TCERG1L: variants seen among roughly 807,000 people sequenced by gnomAD.
TCERG1L encodes the protein transcription elongation regulator 1-like protein.
Under a neutral mutation model 56.3 loss-of-function variants are expected in TCERG1L, and 37 were observed. The observed-to-expected ratio is 0.66, with a 90% CI of 0.51 to 0.87. The LOEUF (loss-of-function observed/expected upper bound fraction) is 0.87. Ranked by LOEUF, TCERG1L falls within the 40% of genes least tolerant of loss-of-function variation. The pLI, the probability that TCERG1L is intolerant of heterozygous loss-of-function variation, is 0.00. For missense variants in TCERG1L, 799 were observed against 774.2 expected (o/e 1.03, Z -0.38); for synonymous variants, 324 against 326.3 (o/e 0.99, Z 0.08).
Position 131,111,688 on chromosome 10 carries a change from G to A in TCERG1L, c.1395+5111C>T, listed in dbSNP as rs548614598. ...ACAGCCTGACCTTCCCCTCGTCCAC[G>A]CCCCGTGGGCAGAGGACAGGCTGCG... is the stretch of plus-strand genomic sequence containing the variant. On this transcript the variant is annotated intron_variant, in intron 9 of 11. Transcript: ENST00000368642. 3.5e-5 allele frequency among the ~76,000 whole-genome samples: 5 copies of A among 142,916 alleles called. 2 individuals are homozygous for A. Among genetic ancestry groups the A allele is most frequent in the Admixed American group, 6.9e-5 (1 of 14,558 alleles). 93.8% of individuals were successfully genotyped at this position (142,916 alleles called of 152,430 possible).
chr10:131,193,205 ATTG>A (rs761928422), intron 4 of TCERG1L, among the ~76,000 whole-genome samples: 76 of 152,054 alleles, frequency 5.0e-4, no homozygotes, highest in Admixed American at 3.3e-3. Flanking sequence ...AATGAAATTT[ATTG>A]TTGTTGTTGT....
intron 4 of TCERG1L, among the ~76,000 whole-genome samples, chr10:131,206,336 C>G (rs2918124): frequency 0.62 from 93,543 of 151,946 alleles, 29,305 homozygotes; most frequent in East Asian, 0.76. Context: ...CCAAGGGGGT[C>G]CTGGAGTGAA....
chr10:131,180,092 C>T (rs76130773), intron 4 of TCERG1L, among the ~76,000 whole-genome samples: 3,651 of 152,260 alleles, frequency 0.024, 96 homozygotes, highest in South Asian at 0.08. Flanking sequence ...GACCAACCTG[C>T]TCGACAAGGG....
chr10:131,290,631 CAAAA>C (rs3040427), intron 3 of TCERG1L, among the ~76,000 whole-genome samples: 89 of 97,462 alleles, frequency 9.1e-4, no homozygotes, highest in African/African-American at 1.6e-3. Flanking sequence ...AACCCCATCT[CAAAA>C]AAAAAAAAAA....
chr10:131,124,796 C>T (rs956761582), intron 8 of TCERG1L, among the ~76,000 whole-genome samples: 2 of 152,320 alleles, frequency 1.3e-5, no homozygotes, highest in South Asian at 2.1e-4. Flanking sequence ...TAATAAAATG[C>T]GTGGTCTCTG....
chr10:131,196,671 G>A (rs1055461253), intron 4 of TCERG1L, among the ~76,000 whole-genome samples: 4 of 152,160 alleles, frequency 2.6e-5, no homozygotes, highest in Non-Finnish European at 2.9e-5. Flanking sequence ...CTGGGGCTGC[G>A]GCCCAGAGTC....
intron 4 of TCERG1L, among the ~76,000 whole-genome samples, chr10:131,173,350 G>A (rs1336094412): frequency 6.6e-6 from 1 of 152,192 alleles, no homozygotes; most frequent in African/African-American, 2.4e-5. Context: ...CAGTAGGGAG[G>A]GCACAAATTA....
chr10:131,129,175 C>G (rs1394848581), intron 8 of TCERG1L, among the ~76,000 whole-genome samples: 1 of 151,682 alleles, frequency 6.6e-6, no homozygotes, highest in Admixed American at 6.6e-5. Context: ...CTGAAACTGA[C>G]TTAGTCCTGA....
At chr10:131,286,715 C>T (rs79871351) in intron 3 of TCERG1L, among the ~76,000 whole-genome samples, 11,268 of 152,264 alleles carry the variant, frequency 0.074, 528 homozygotes, top group African/African-American at 0.11. Context: ...TTGGGTTCCA[C>T]TTGGTAACAA....
chr10:131,175,946 AC>A (rs1842203734), intron 4 of TCERG1L, among the ~76,000 whole-genome samples: 1 of 152,176 alleles, frequency 6.6e-6, no homozygotes, highest in Non-Finnish European at 1.5e-5. Flanking sequence ...TTTTCCTGAA[AC>A]TTTTTTTCAA....
chr10:131,266,272 G>A (rs1846284854), intron 3 of TCERG1L, among the ~76,000 whole-genome samples: 1 of 152,206 alleles, frequency 6.6e-6, no homozygotes, highest in Non-Finnish European at 1.5e-5. Flanking sequence ...TTCCTCCAAA[G>A]ACGTCTTGAA....
In TCERG1L at chr10:131,146,500, A is replaced by C; in HGVS notation, c.1189+6T>G. ...AGGAGGTGTAAATAACCCAGGGCTTAGTTACTTGCTGGTGCCTCCAGCTTG... is the reference window on the plus strand; with the variant it reads ...AGGAGGTGTAAATAACCCAGGGCTTCGTTACTTGCTGGTGCCTCCAGCTTG... On this transcript the variant is annotated splice_donor_region_variant and intron_variant, in intron 7 of 11. Coordinates refer to ENST00000368642, the MANE Select transcript of TCERG1L (RefSeq NM_174937.4). 1 of 1,605,548 alleles carries C rather than the reference A, an allele frequency of 6.2e-7. No homozygotes were observed. Among genetic ancestry groups the C allele is most frequent in the Non-Finnish European group, 8.5e-7 (1 of 1,174,388 alleles).
At chr10:131,256,992 G>GGAAAGAAAGAAAGAAA (rs745516129) in intron 4 of TCERG1L, among the ~76,000 whole-genome samples, 5 of 59,214 alleles carry the variant, frequency 8.4e-5, no homozygotes, top group African/African-American at 1.7e-4. Context: ...AAGGAAGGAA[G>GGAAAGAAAGAAAGAAA]GAAAGAAAGA....
chr10:131,110,736 G>C (rs767628165), intron 9 of TCERG1L, among the ~76,000 whole-genome samples: 25 of 152,210 alleles, frequency 1.6e-4, no homozygotes, highest in Admixed American at 3.9e-4. Flanking sequence ...AGCCTCTCTG[G>C]AGACTGAGAA....
chr10:131,264,785 G>A (rs758665467), intron 3 of TCERG1L, among the ~76,000 whole-genome samples: 384 of 152,310 alleles, frequency 2.5e-3, no homozygotes, highest in Non-Finnish European at 3.4e-3. Flanking sequence ...CCACCTCCAC[G>A]CTCTGACTCA....
At chr10:131,194,447 G>C (rs1471609413) in intron 4 of TCERG1L, among the ~76,000 whole-genome samples, 2 of 152,142 alleles carry the variant, frequency 1.3e-5, no homozygotes, top group Non-Finnish European at 2.9e-5. Flanking sequence ...TAGAATTAGA[G>C]GGCCCTTTTG....
At chr10:131,304,323 C>T (rs1360484106) in intron 3 of TCERG1L, among the ~76,000 whole-genome samples, 1 of 151,996 alleles carries the variant, frequency 6.6e-6, no homozygotes, top group East Asian at 1.9e-4. Context: ...GACTCCGAAG[C>T]TCTTATTTTC....
At chr10:131,217,112 G>C (rs1399334482) in intron 4 of TCERG1L, among the ~76,000 whole-genome samples, 1 of 152,198 alleles carries the variant, frequency 6.6e-6, no homozygotes, top group Non-Finnish European at 1.5e-5. Context: ...CAAATCTCAT[G>C]ACAGATTGTG....
chr10:131,247,156 C>G (rs1041252159), intron 4 of TCERG1L, among the ~76,000 whole-genome samples: 1 of 152,208 alleles, frequency 6.6e-6, no homozygotes, highest in Admixed American at 6.5e-5. Flanking sequence ...CACATAGGCA[C>G]ACATCCACAC....
Sources: allele counts gnomAD v4.1 joint callset (sites outside exome capture counted in the v4.1 genomes callset), GRCh38; gene constraint gnomAD v4.1.1; transcripts MANE v1.5; gene names NCBI Gene and HGNC (gene_info 2026-07-23, HGNC 2026-07-21).